The following PXMP4 variants were observed in gnomAD, a reference collection of about 807,000 sequenced individuals.
PXMP4 encodes the protein peroxisomal membrane protein 4.
In PXMP4, 16 loss-of-function variants were observed where a neutral mutation model predicts 21.6. That is an observed-to-expected ratio of 0.74 (90% CI 0.50 to 1.13). The LOEUF is 1.13. Ranked by LOEUF, PXMP4 falls within the 50% of genes most tolerant of loss-of-function variation. The probability of loss-of-function intolerance (pLI) is 0.00; values close to 1 mark genes in which losing one functional copy is unlikely to be tolerated. For synonymous variants in PXMP4, 127 were observed against 123.8 expected (o/e 1.03, Z -0.17); for missense variants, 240 against 277.7 (o/e 0.86, Z 0.96).
chr20:33,719,907 G>A (rs999321386), intron 1 of PXMP4, among the ~76,000 whole-genome samples, 188 bp downstream of exon 1: 3 of 152,216 alleles, frequency 2.0e-5, no homozygotes, highest in Non-Finnish European at 2.9e-5. Flanking sequence ...GGGAGCCCCA[G>A]TTCAGAGCTG....
chr20:33,710,531 C>T (rs375109932), intron 3 of PXMP4, 24 bp downstream of exon 3: 4 of 1,495,046 alleles, frequency 2.7e-6, no homozygotes, highest in South Asian at 2.3e-5. Flanking sequence ...CCCTTCACTA[C>T]CCCCATCTCG....
intron 1 of PXMP4, among the ~76,000 whole-genome samples, chr20:33,716,445 C>T (rs774180384): frequency 6.6e-5 from 10 of 152,198 alleles, no homozygotes; most frequent in East Asian, 1.9e-4. Context: ...CTCAGCCTTC[C>T]GGTCTCAGCT....
Position 33,711,017 on chromosome 20 carries a change from G to A in PXMP4, c.177-264C>T, listed in dbSNP as rs181140926. ...TAATTTTCTTTTCCTTCCTAGCTATGGTCACCAACCGACATTTATGTGCTT... is the reference window on the plus strand; with the variant it reads ...TAATTTTCTTTTCCTTCCTAGCTATAGTCACCAACCGACATTTATGTGCTT... On this transcript the variant is annotated intron_variant, in intron 2 of 3. Coordinates refer to ENST00000409299, the MANE Select transcript of PXMP4 (RefSeq NM_007238.5). Among the ~76,000 whole-genome samples the A allele has an allele frequency of 7.2e-5, 11 of 152,270 alleles. 1 individual carries two copies. The highest frequency in any genetic ancestry group is 2.6e-4 in the African/African-American group (11 of 41,540).
At chr20:33,718,588 G>A (rs2018411219) in intron 1 of PXMP4, among the ~76,000 whole-genome samples, 1 of 149,478 alleles carries the variant, frequency 6.7e-6, no homozygotes, top group African/African-American at 2.5e-5. Context: ...TCAAGGATAT[G>A]CCCTTGGCCA....
In PXMP4 at chr20:33,707,978, A is replaced by G. The variant is rs751160107; in HGVS notation, c.376-9T>C. 2.5e-6 allele frequency: 4 copies of G among 1,608,056 alleles called. No individual in the cohort carries two copies. Among genetic ancestry groups the G allele is most frequent in the Non-Finnish European group, 3.4e-6 (4 of 1,175,238 alleles). On this transcript the variant is annotated splice_polypyrimidine_tract_variant and intron_variant, in intron 3 of 3. Transcript: ENST00000409299. ...AACAGGTACATGTTGATCTGCAAAG[A>G]GGGAATGATGGGAATTACTGGTGAT...
rs576745505 is a variant in PXMP4 at position 33,703,744 on chromosome 20, G to A, written c.*3962C>T. 3.3e-4 allele frequency: 50 copies of A among 152,490 alleles called. No individual in the cohort carries two copies. Among genetic ancestry groups the A allele is most frequent in the Middle Eastern group, 3.4e-3 (1 of 298 alleles). The allele number at this position is 152,490 out of a possible 1,614,324, so 9.4% of individuals were successfully genotyped here. A position where few individuals can be genotyped will look rare whatever the true frequency, so the allele number is the denominator to read the frequency against. On this transcript the variant is annotated 3_prime_UTR_variant, in exon 4 of 4. Coordinates refer to ENST00000409299, the MANE Select transcript of PXMP4 (RefSeq NM_007238.5). The stretch of plus-strand genomic sequence containing the variant: ...GTGAGGGATGCGGGCTGTGGGAGTG[G>A]GGGTATTTATCAGTCATTGGTTGAA...
chr20:33,714,622 G>C lies in PXMP4; in HGVS notation c.176+52C>G, dbSNP rs1277231197. 3.2e-6 allele frequency: 5 copies of C among 1,557,868 alleles called. No individual in the cohort carries two copies. The African/African-American group carries it at 6.8e-5, about 21-fold the overall frequency. On this transcript the variant is annotated intron_variant, in intron 2 of 3. Transcript: ENST00000409299. ...ACCCAGCTAAGAAGCTATTACGACT[G>C]TCCTGGCACTGAGGGCTGACCACAT...
At position 33,710,476 on chromosome 20, in the gene PXMP4, A is replaced by G. The variant is rs1371128839; in HGVS notation, c.375+79T>C. On this transcript the variant is annotated intron_variant, in intron 3 of 3. Transcript: ENST00000409299. ...TCCATCACCCCCACCTCTGTACTGA[A>G]CCACGCCCCCTTCTGTCACCCCCAC... 11 of 226,082 alleles carry G rather than the reference A, an allele frequency of 4.9e-5. 1 individual carries two copies. Among genetic ancestry groups the G allele is most frequent in the Non-Finnish European group, 8.0e-6 (1 of 125,310 alleles). The allele number at this position is 226,082 out of a possible 1,614,324, so 14.0% of individuals were successfully genotyped here.
chr20:33,716,124 G>A (rs895974340), intron 1 of PXMP4, among the ~76,000 whole-genome samples: 3 of 152,128 alleles, frequency 2.0e-5, no homozygotes, highest in East Asian at 3.9e-4. Flanking sequence ...GATTACAGGC[G>A]TGAGCCATCC....
chr20:33,712,058 A>C (rs2018333030), intron 2 of PXMP4, among the ~76,000 whole-genome samples: 1 of 151,852 alleles, frequency 6.6e-6, no homozygotes, highest in African/African-American at 2.4e-5. Flanking sequence ...CTCCCAATTC[A>C]GGAATGGCAA....
At chr20:33,711,725 C>T (rs1456090961) in intron 2 of PXMP4, among the ~76,000 whole-genome samples, 1 of 152,082 alleles carries the variant, frequency 6.6e-6, no homozygotes, top group Non-Finnish European at 1.5e-5. Flanking sequence ...GACACAGTGG[C>T]TCACACCTGT....
chr20:33,708,080 AG>A, intron 3 of PXMP4, 111 bp from the exon 4 acceptor site: 1 of 1,269,408 alleles, frequency 7.9e-7, no homozygotes, highest in Non-Finnish European at 1.1e-6. Flanking sequence ...GAGCCTGGCT[AG>A]GGGTTTATTT....
At chr20:33,714,868 G>T in intron 1 of PXMP4, 132 bp from the exon 2 acceptor site, 1 of 862,258 alleles carries the variant, frequency 1.2e-6, no homozygotes. Flanking sequence ...AAATCATGCT[G>T]GATGCAAATC....
intron 1 of PXMP4, among the ~76,000 whole-genome samples, chr20:33,717,595 G>C (rs887206920): frequency 7.6e-6 from 1 of 131,688 alleles, no homozygotes; most frequent in African/African-American, 3.1e-5. Context: ...AGCCGAGATC[G>C]CGCCACTGCA....
At chr20:33,709,265 C>T (rs2018296351) in intron 3 of PXMP4, among the ~76,000 whole-genome samples, 1 of 152,164 alleles carries the variant, frequency 6.6e-6, no homozygotes, top group South Asian at 2.1e-4. Flanking sequence ...CCACTGCACT[C>T]CAGCCTGGGC....
intron 2 of PXMP4, among the ~76,000 whole-genome samples, chr20:33,713,414 C>A (rs1453864610): frequency 6.6e-6 from 1 of 152,166 alleles, no homozygotes; most frequent in Non-Finnish European, 1.5e-5. Flanking sequence ...CTCATAGCGG[C>A]CTTCCCTATT....
intron 2 of PXMP4, among the ~76,000 whole-genome samples, chr20:33,714,027 C>A (rs997204084): frequency 6.6e-6 from 1 of 152,060 alleles, no homozygotes; most frequent in Non-Finnish European, 1.5e-5. Context: ...GCACTCCTGG[C>A]GGGGGTGCTG....
At chr20:33,719,954 C>G (rs576257829) in intron 1 of PXMP4, 141 bp downstream of exon 1, 1 of 775,438 alleles carries the variant, frequency 1.3e-6, no homozygotes, top group East Asian at 2.7e-5. Context: ...TCCCATTGCA[C>G]AGATGGTGAC....
rs1454599990 is a variant in PXMP4 at position 33,705,271 on chromosome 20, C to G, written c.*2435G>C. ...TCCCAAAGTGCTGGGATTACAGGTG[C>G]AAGCCACCGTGCCTGGTCTAGGATC... On this transcript the variant is annotated 3_prime_UTR_variant, in exon 4 of 4. Transcript: ENST00000409299. 6.7e-6 allele frequency: 1 copy of G among 149,652 alleles called. No homozygotes were observed. The highest frequency in any genetic ancestry group is 2.4e-5 in the African/African-American group (1 of 40,852). 9.3% of individuals were successfully genotyped at this position (149,652 alleles called of 1,614,324 possible). A position where few individuals can be genotyped will look rare whatever the true frequency, so the allele number is the denominator to read the frequency against.
Sources: allele counts gnomAD v4.1 joint callset (sites outside exome capture counted in the v4.1 genomes callset), GRCh38; gene constraint gnomAD v4.1.1; transcripts MANE v1.5; gene names NCBI Gene and HGNC (gene_info 2026-07-23, HGNC 2026-07-21).